DIP2C: variants seen among roughly 807,000 people sequenced by gnomAD.
The protein encoded by DIP2C is DIP2 acetate--CoA ligase C (putative).
DIP2C carries 33 observed loss-of-function variants against 192.4 expected under a neutral mutation model. That is an observed-to-expected ratio of 0.17 (90% CI 0.13 to 0.23). The LOEUF (loss-of-function observed/expected upper bound fraction) is 0.23, where lower values mean the gene tolerates loss of function less well. DIP2C is among the 10% of genes least tolerant of loss of function. The pLI is 1.00. For synonymous variants in DIP2C, 979 were observed against 864.1 expected, an observed-to-expected ratio of 1.13 and a Z score of -2.33; for missense variants, 1,537 against 2,110.1, an observed-to-expected ratio of 0.73 and a Z score of 5.32.
At chr10:531,086 T>C (rs759931635) in intron 1 of DIP2C, among the ~76,000 whole-genome samples, 38 of 152,234 alleles carry the variant, frequency 2.5e-4, no homozygotes, top group Non-Finnish European at 3.1e-4. Context: ...CACATAAACG[T>C]CTGCGCCCAA....
chr10:600,792 T>C (rs1345069669), intron 1 of DIP2C, among the ~76,000 whole-genome samples: 2 of 152,244 alleles, frequency 1.3e-5, no homozygotes, highest in African/African-American at 4.8e-5. Context: ...AAACACTGAT[T>C]GGCACCAAGT....
chr10:323,363 CGGCGCTGTT>C (rs1469765190), intron 31 of DIP2C, among the ~76,000 whole-genome samples: 6 of 114,188 alleles, frequency 5.3e-5, no homozygotes, highest in African/African-American at 2.1e-4. Context: ...AGCGAGAGAC[CGGCGCTGTT>C]AGAACAGTCA....
chr10:622,400 A>AGGGAGGGAGGAGGGGGG (rs1853928557), intron 1 of DIP2C, among the ~76,000 whole-genome samples: 2 of 15,132 alleles, frequency 1.3e-4, no homozygotes, highest in Non-Finnish European at 2.7e-4. Context: ...GAGGAGGGGG[A>AGGGAGGGAGGAGGGGGG]GGGAGGGAGG....
At chr10:543,971 C>T (rs1848140832) in intron 1 of DIP2C, among the ~76,000 whole-genome samples, 2 of 152,198 alleles carry the variant, frequency 1.3e-5, no homozygotes, top group African/African-American at 2.4e-5. Flanking sequence ...CTGGATTTGC[C>T]CACTCTGGAC....
chr10:677,231 A>G (rs1348424872), intron 1 of DIP2C, among the ~76,000 whole-genome samples: 1 of 152,208 alleles, frequency 6.6e-6, no homozygotes, highest in Admixed American at 6.5e-5. Flanking sequence ...ACTGGCACCA[A>G]GTCTTGTTTC....
At chr10:541,012 CACAACACCCGATGCTGGGGAGCCACA>C (rs1847953128) in intron 1 of DIP2C, among the ~76,000 whole-genome samples, 11 of 147,164 alleles carry the variant, frequency 7.5e-5, no homozygotes, top group Admixed American at 7.5e-4. Context: ...GCTGGGGAGC[CACAACACCCGATGCTGGGGAGCCACA>C]ACACCCGATG....
intron 1 of DIP2C, among the ~76,000 whole-genome samples, chr10:534,358 G>A (rs541926799): frequency 5.9e-5 from 9 of 152,334 alleles, no homozygotes; most frequent in South Asian, 4.1e-4. Flanking sequence ...GGAGTTGGGC[G>A]GCAGGAGGGA....
chr10:314,538 G>A (rs188828894), intron 31 of DIP2C, among the ~76,000 whole-genome samples: 1 of 152,186 alleles, frequency 6.6e-6, no homozygotes, highest in African/African-American at 2.4e-5. Flanking sequence ...GTGCTGCACC[G>A]GATCACCCAG....
chr10:314,770 G>A (rs1303668083), intron 31 of DIP2C, among the ~76,000 whole-genome samples: 1 of 152,168 alleles, frequency 6.6e-6, no homozygotes, highest in Non-Finnish European at 1.5e-5. Context: ...TGTTCCTTTA[G>A]GCCTCTTTTA....
chr10:417,706 G>GGCGCGGA (rs1299887258), intron 6 of DIP2C, among the ~76,000 whole-genome samples: 4 of 139,032 alleles, frequency 2.9e-5, no homozygotes, highest in Admixed American at 7.1e-5. Context: ...GTGCCTGTCG[G>GGCGCGGA]CTCAAATAGG....
Position 344,790 on chromosome 10 carries a change from C to T in DIP2C, c.3453+19G>A. 6.4e-7 allele frequency: 1 copy of T among 1,566,508 alleles called. No homozygotes were observed. The highest frequency in any genetic ancestry group is 8.7e-7 in the Non-Finnish European group (1 of 1,155,496). ...CCGCAGTTGCCTCCATGGCCACCGCCCGCAGCCACCCCCCTCACCTTTACG... is the reference window on the plus strand; with the variant it reads ...CCGCAGTTGCCTCCATGGCCACCGCTCGCAGCCACCCCCCTCACCTTTACG... On this transcript the variant is annotated intron_variant, in intron 28 of 36. Transcript: ENST00000280886.
intron 32 of DIP2C, among the ~76,000 whole-genome samples, chr10:288,741 T>C (rs949535397): frequency 6.6e-6 from 1 of 152,214 alleles, no homozygotes; most frequent in African/African-American, 2.4e-5. Context: ...CAGAGTTTCC[T>C]TGAAAGAGCT....
intron 32 of DIP2C, among the ~76,000 whole-genome samples, chr10:308,289 G>C (rs771322653): frequency 6.7e-6 from 1 of 149,648 alleles, no homozygotes; most frequent in Admixed American, 6.6e-5. Flanking sequence ...CGTGGGTGCC[G>C]ACCAGAGGCA....
intron 2 of DIP2C, among the ~76,000 whole-genome samples, chr10:480,677 A>T (rs752570988): frequency 6.6e-6 from 1 of 152,222 alleles, no homozygotes; most frequent in Non-Finnish European, 1.5e-5. Context: ...CTCCCTCCAT[A>T]GCGGCTGGCG....
chr10:580,296 C>T (rs569722177), intron 1 of DIP2C, among the ~76,000 whole-genome samples: 13 of 152,214 alleles, frequency 8.5e-5, no homozygotes, highest in African/African-American at 1.7e-4. Flanking sequence ...ATGCAGCATG[C>T]GTACATTAGT....
intron 1 of DIP2C, among the ~76,000 whole-genome samples, chr10:614,132 C>T (rs1367886451): frequency 6.6e-6 from 1 of 152,242 alleles, no homozygotes; most frequent in Non-Finnish European, 1.5e-5. Context: ...ATTCTCTTTG[C>T]CATGCACACA....
intron 32 of DIP2C, among the ~76,000 whole-genome samples, chr10:298,391 CT>C (rs1474397046): frequency 1.3e-5 from 2 of 152,250 alleles, no homozygotes; most frequent in Non-Finnish European, 2.9e-5. Flanking sequence ...CAAAGCCCCC[CT>C]GCTCATCACT....
chr10:341,408 C>T lies in DIP2C; in HGVS notation c.3454-79G>A, dbSNP rs192337697. ...CGGGACAATACGGGGCTGCAGGGAACGCAAGGCTGTGTTGAACGCATCGGA... is the reference window on the plus strand; with the variant it reads ...CGGGACAATACGGGGCTGCAGGGAATGCAAGGCTGTGTTGAACGCATCGGA... On this transcript the variant is annotated intron_variant, in intron 28 of 36. Transcript: ENST00000280886. 967 of 1,558,590 alleles carry T rather than the reference C, an allele frequency of 6.2e-4. 1 individual carries two copies. The highest frequency in any genetic ancestry group is 8.0e-4 in the Non-Finnish European group (919 of 1,142,750).
At chr10:413,522 T>C (rs1965321138) in intron 8 of DIP2C, among the ~76,000 whole-genome samples, 1 of 152,256 alleles carries the variant, frequency 6.6e-6, no homozygotes. Context: ...ACTCAAAAAA[T>C]ATTTAACAAA....
Sources: allele counts gnomAD v4.1 joint callset (sites outside exome capture counted in the v4.1 genomes callset), GRCh38; gene constraint gnomAD v4.1.1; transcripts MANE v1.5; gene names NCBI Gene and HGNC (gene_info 2026-07-23, HGNC 2026-07-21).